MAST2: variants seen among roughly 807,000 people sequenced by gnomAD.
The protein encoded by MAST2 is microtubule-associated serine/threonine-protein kinase 2.
In MAST2, 70 loss-of-function variants were observed where a neutral mutation model predicts 147.4. The ratio of observed to expected loss-of-function variants is 0.47; its 90% CI spans 0.39 to 0.58. The LOEUF is 0.58. Among genes scored for constraint, MAST2 ranks in the 20% least tolerant of loss-of-function variants. The probability of loss-of-function intolerance (pLI) is 0.00; values close to 1 mark genes in which losing one functional copy is unlikely to be tolerated. For synonymous variants in MAST2, 869 were observed against 896.8 expected (o/e 0.97, Z 0.55); for missense variants, 2,080 against 2,302.3 (o/e 0.90, Z 1.98).
chr1:45,947,884 T>A (rs567495064), intron 4 of MAST2, among the ~76,000 whole-genome samples: 1 of 152,278 alleles, frequency 6.6e-6, no homozygotes, highest in Admixed American at 6.5e-5. Context: ...ACCCGGCTAA[T>A]TTTTTGTATT....
chr1:45,812,470 C>A (rs1008769322), intron 1 of MAST2, among the ~76,000 whole-genome samples: 1 of 149,328 alleles, frequency 6.7e-6, no homozygotes, highest in African/African-American at 2.5e-5. Flanking sequence ...CACTGTTGCC[C>A]GGGCTGGAGT....
At position 46,022,001 on chromosome 1, in the gene MAST2, G is replaced by A. The variant is rs749684141; in HGVS notation, c.1342G>A (p.Ala448Thr). 5 of 1,614,040 alleles carry A rather than the reference G, an allele frequency of 3.1e-6. No individual in the cohort carries two copies. The highest frequency in any genetic ancestry group is 1.6e-4 in the Middle Eastern group (1 of 6,082). Residue 448 changes from alanine (A) to threonine (T), a missense_variant, in exon 12 of 29, where the codon GCC becomes ACC. By Grantham distance (58) the Ala-to-Thr change is moderately conservative. Transcript: ENST00000361297. Reference protein sequence around the residue: ...YHLLEAAEGHAKEGQGIKCDI... With the variant: ...YHLLEAAEGHTKEGQGIKCDI... ...CCTTTTAGAAGCAGCTGAGGGCCACGCCAAAGAGGGACAAGGGATTAAATG... is the reference window on the plus strand; with the variant it reads ...CCTTTTAGAAGCAGCTGAGGGCCACACCAAAGAGGGACAAGGGATTAAATG...
At chr1:46,006,543 C>T (rs1379425278) in intron 8 of MAST2, 148 bp downstream of exon 8, 1 of 572,028 alleles carries the variant, frequency 1.7e-6, no homozygotes, top group Non-Finnish European at 2.7e-6. Context: ...CATTCCTCAA[C>T]TCTGCTGTTG....
chr1:45,823,251 G>A (rs1570238591), intron 1 of MAST2, among the ~76,000 whole-genome samples: 2 of 128,982 alleles, frequency 1.6e-5, no homozygotes, highest in Non-Finnish European at 3.3e-5. Flanking sequence ...CTCCTTTTTT[G>A]CCCCTTGTGG....
At chr1:45,984,876 G>A (rs544527284) in intron 5 of MAST2, among the ~76,000 whole-genome samples, 2 of 152,078 alleles carry the variant, frequency 1.3e-5, no homozygotes, top group East Asian at 3.9e-4. Context: ...ATAAAAATGA[G>A]TAAATGAGTA....
intron 3 of MAST2, among the ~76,000 whole-genome samples, chr1:45,832,763 GT>G (rs1457825556): frequency 6.6e-6 from 1 of 151,996 alleles, no homozygotes; most frequent in African/African-American, 2.4e-5. Flanking sequence ...CCTGAATTAA[GT>G]TTTTTTTAAA....
chr1:45,989,233 T>TTTCCACTC (rs1312966091), intron 5 of MAST2, among the ~76,000 whole-genome samples: 7 of 152,132 alleles, frequency 4.6e-5, no homozygotes, highest in African/African-American at 1.7e-4. Context: ...GATCTGTAAA[T>TTTCCACTC]TTCCACTCCA....
intron 4 of MAST2, among the ~76,000 whole-genome samples, chr1:45,944,346 C>T (rs1428622915): frequency 6.6e-6 from 1 of 152,152 alleles, no homozygotes; most frequent in African/African-American, 2.4e-5. Flanking sequence ...TTCCCTTACC[C>T]CATTCCTACC....
At chr1:45,991,026 A>G (rs767436405) in intron 5 of MAST2, among the ~76,000 whole-genome samples, 4 of 152,232 alleles carry the variant, frequency 2.6e-5, no homozygotes, top group South Asian at 4.2e-4. Context: ...ATTTAGGTAA[A>G]TCTTACATTC....
At chr1:45,905,069 C>G (rs2148517292) in intron 4 of MAST2, among the ~76,000 whole-genome samples, 1 of 152,258 alleles carries the variant, frequency 6.6e-6, no homozygotes, top group Non-Finnish European at 1.5e-5. Flanking sequence ...CCTTGGCCTC[C>G]CAAAGTTCTG....
At chr1:45,916,738 A>G (rs1269272594) in intron 4 of MAST2, among the ~76,000 whole-genome samples, 2 of 152,184 alleles carry the variant, frequency 1.3e-5, no homozygotes, top group Non-Finnish European at 2.9e-5. Context: ...TTGCCTGCTA[A>G]TTGATGTAGT....
chr1:45,860,746 C>T (rs933401218), intron 3 of MAST2, among the ~76,000 whole-genome samples: 1 of 151,826 alleles, frequency 6.6e-6, no homozygotes, highest in Non-Finnish European at 1.5e-5. Flanking sequence ...GCAGGAGAAT[C>T]ACTTGAACCT....
At chr1:45,830,406 C>G (rs1009063557) in intron 3 of MAST2, among the ~76,000 whole-genome samples, 1 of 152,000 alleles carries the variant, frequency 6.6e-6, no homozygotes, top group African/African-American at 2.4e-5. Context: ...AACTCCTGAC[C>G]TCATGATCCA....
chr1:45,864,872 C>T (rs760699280), intron 3 of MAST2, among the ~76,000 whole-genome samples: 1 of 152,136 alleles, frequency 6.6e-6, no homozygotes, highest in Non-Finnish European at 1.5e-5. Flanking sequence ...GAAGTCTTTC[C>T]GCTATTTGGC....
chr1:45,994,274 C>CTTTTT (rs869216588), intron 5 of MAST2, among the ~76,000 whole-genome samples: 10 of 62,026 alleles, frequency 1.6e-4, no homozygotes, highest in South Asian at 8.4e-4. Flanking sequence ...CCCTAACCCT[C>CTTTTT]TTTTTTTTTT....
chr1:46,035,543 A>C lies in MAST2; in HGVS notation c.4874A>C (p.Gln1625Pro). Residue 1625 changes from glutamine to proline, a missense_variant, in exon 29 of 29, where the codon CAG becomes CCG. Around this residue, in one of 4 missense-constraint regions of MAST2, gnomAD observed 1,278 missense variants for 1,304.2 expected, o/e 0.98. Coordinates refer to ENST00000361297, the MANE Select transcript of MAST2 (RefSeq NM_015112.3). This position sits in a 1 kb window ranked among gnomAD's most constrained non-coding sequence, Gnocchi z 5.5. ...GCWKAQHLHT[Q>P]ALTALSPSTS... ...TGGAAGGCCCAGCACCTCCACACCC[A>C]GGCACTAACAGCACTTTCTCCCAGC... 2 of 1,613,432 alleles carry C rather than the reference A, an allele frequency of 1.2e-6. No homozygotes were observed. The highest frequency in any genetic ancestry group is 2.2e-5 in the South Asian group (2 of 91,070).
chr1:46,015,165 C>T (rs1218251759), intron 10 of MAST2, among the ~76,000 whole-genome samples: 28 of 151,398 alleles, frequency 1.8e-4, no homozygotes, highest in African/African-American at 6.5e-4. Context: ...CTCTGGGACG[C>T]ATTCAAAGCA....
intron 3 of MAST2, among the ~76,000 whole-genome samples, chr1:45,830,124 T>A (rs1644908278): frequency 6.6e-6 from 1 of 150,948 alleles, no homozygotes; most frequent in Non-Finnish European, 1.5e-5. Context: ...CCCAAAGTGC[T>A]GGGATTACAG....
At chr1:45,884,945 G>A (rs1647018409) in intron 4 of MAST2, among the ~76,000 whole-genome samples, 1 of 152,160 alleles carries the variant, frequency 6.6e-6, no homozygotes, top group South Asian at 2.1e-4. Context: ...CTTGTACACA[G>A]AGCTGGGCAA....
Sources: gnomAD v4.1 joint callset for allele counts (sites outside exome capture counted in the v4.1 genomes callset) on GRCh38, gnomAD v4.1.1 for gene constraint, gnomAD v4.1.1 regional missense constraint, Gnocchi (gnomAD v3.1) non-coding constraint, MANE v1.5 for transcripts, NCBI Gene and HGNC (gene_info 2026-07-23, HGNC 2026-07-21) for gene names.